C1orf21: variants seen among roughly 807,000 people sequenced by gnomAD.
The protein encoded by C1orf21 is uncharacterized protein C1orf21.
C1orf21 carries 3 observed loss-of-function variants against 18.7 expected under a neutral mutation model. The observed-to-expected ratio is 0.16, with a 90% CI of 0.07 to 0.42. The LOEUF (loss-of-function observed/expected upper bound fraction) is 0.42. C1orf21 is among the 10% of genes least tolerant of loss of function. The pLI, the probability that C1orf21 is intolerant of heterozygous loss-of-function variation, is 0.99. For missense variants in C1orf21, 104 were observed against 143.6 expected, an observed-to-expected ratio of 0.72 and a Z score of 1.41; for synonymous variants, 41 against 46.4, an observed-to-expected ratio of 0.88 and a Z score of 0.47.
chr1:184,580,677 A>G (rs752887056), intron 3 of C1orf21, among the ~76,000 whole-genome samples: 5 of 152,234 alleles, frequency 3.3e-5, no homozygotes, highest in Non-Finnish European at 7.3e-5. Flanking sequence ...TGATTTCACC[A>G]TTCTTCCACT....
chr1:184,571,284 G>A (rs1442781193), intron 3 of C1orf21, among the ~76,000 whole-genome samples: 3 of 124,848 alleles, frequency 2.4e-5, no homozygotes, highest in African/African-American at 6.3e-5. Flanking sequence ...GCGACAGAGC[G>A]AGACTCCGTC....
At chr1:184,393,091 A>G (rs1655998786) in intron 1 of C1orf21, among the ~76,000 whole-genome samples, 2 of 151,832 alleles carry the variant, frequency 1.3e-5, no homozygotes, top group Non-Finnish European at 2.9e-5. Flanking sequence ...AGCCTCCCCA[A>G]GACCACCGCA....
intron 1 of C1orf21, among the ~76,000 whole-genome samples, chr1:184,402,330 T>C (rs1222048178): frequency 6.6e-6 from 1 of 151,488 alleles, no homozygotes; most frequent in African/African-American, 2.4e-5. Flanking sequence ...ATGGATCTAA[T>C]TTTTGCAACA....
chr1:184,457,022 A>G (rs1657208910), intron 1 of C1orf21, among the ~76,000 whole-genome samples: 1 of 152,138 alleles, frequency 6.6e-6, no homozygotes, highest in South Asian at 2.1e-4. Context: ...CTTTCTGGAG[A>G]AGGTGATGGT....
chr1:184,556,499 C>T (rs1658881695), intron 3 of C1orf21, among the ~76,000 whole-genome samples: 1 of 152,102 alleles, frequency 6.6e-6, no homozygotes, highest in African/African-American at 2.4e-5. Flanking sequence ...GAGGACAGTC[C>T]CCTGATTATT....
At chr1:184,473,301 T>C (rs1229576502) in intron 1 of C1orf21, among the ~76,000 whole-genome samples, 1 of 152,206 alleles carries the variant, frequency 6.6e-6, no homozygotes, top group African/African-American at 2.4e-5. Context: ...AATAACAACA[T>C]GTGACAACAA....
intron 2 of C1orf21, among the ~76,000 whole-genome samples, chr1:184,479,273 C>T (rs1409431842): frequency 6.6e-6 from 1 of 152,042 alleles, no homozygotes; most frequent in African/African-American, 2.4e-5. Flanking sequence ...TCCTGAAACG[C>T]TTGACTTTTA....
chr1:184,555,546 CAT>C (rs1658866028), intron 3 of C1orf21, among the ~76,000 whole-genome samples: 1 of 114,384 alleles, frequency 8.7e-6, no homozygotes, highest in African/African-American at 3.5e-5. Flanking sequence ...CTCACACATA[CAT>C]ACACACACAC....
chr1:184,521,042 C>T (rs549945623), intron 3 of C1orf21, among the ~76,000 whole-genome samples: 10 of 152,170 alleles, frequency 6.6e-5, no homozygotes, highest in South Asian at 4.1e-4. Context: ...TACAGGCATA[C>T]GCCACTATGT....
intron 3 of C1orf21, among the ~76,000 whole-genome samples, chr1:184,514,316 A>T (rs1260794298): frequency 6.6e-6 from 1 of 152,138 alleles, no homozygotes; most frequent in Non-Finnish European, 1.5e-5. Flanking sequence ...AAAAAGAGGA[A>T]ATACACATTC....
chr1:184,600,346 T>C (rs1313730763), intron 5 of C1orf21, among the ~76,000 whole-genome samples: 1 of 152,146 alleles, frequency 6.6e-6, no homozygotes, highest in Non-Finnish European at 1.5e-5. Flanking sequence ...TTTGTATTTT[T>C]AGTAGAAACA....
chr1:184,457,002 T>A (rs1657208543), intron 1 of C1orf21, among the ~76,000 whole-genome samples: 1 of 152,150 alleles, frequency 6.6e-6, no homozygotes, highest in Non-Finnish European at 1.5e-5. Context: ...GAAGAATGTA[T>A]CTGGGGCAGC....
intron 1 of C1orf21, among the ~76,000 whole-genome samples, chr1:184,436,105 G>A (rs1056446764): frequency 2.0e-5 from 3 of 152,114 alleles, no homozygotes; most frequent in African/African-American, 7.2e-5. Context: ...GGAGATGCTG[G>A]TGATGGATGC....
Position 184,417,112 on chromosome 1 carries a change from C to G in C1orf21, c.-125+29744C>G, listed in dbSNP as rs569261861. Among the ~76,000 whole-genome samples the G allele has an allele frequency of 2.6e-5, 4 of 152,286 alleles. No homozygotes were observed. The South Asian group carries it at 6.2e-4, about 24-fold the overall frequency. On this transcript the variant is annotated intron_variant, in intron 1 of 5. Transcript: ENST00000235307. Reference sequence around the variant, plus strand: ...GTGTGTAAATTCCAGGTGATTTATACTCTCCTGTTTTTGGCTCAGTCGAAA... The same window carrying G: ...GTGTGTAAATTCCAGGTGATTTATAGTCTCCTGTTTTTGGCTCAGTCGAAA...
At chr1:184,456,096 TAGC>T (rs1416385400) in intron 1 of C1orf21, among the ~76,000 whole-genome samples, 1 of 152,188 alleles carries the variant, frequency 6.6e-6, no homozygotes, top group East Asian at 1.9e-4. Context: ...CCTTGGGATG[TAGC>T]AAGCTATATT....
intron 1 of C1orf21, among the ~76,000 whole-genome samples, chr1:184,456,989 G>A (rs1657208312): frequency 6.6e-6 from 1 of 152,162 alleles, no homozygotes. Context: ...ACCAAACTAG[G>A]CAGAAGAATG....
chr1:184,424,062 T>C (rs1656591904), intron 1 of C1orf21, among the ~76,000 whole-genome samples: 1 of 152,242 alleles, frequency 6.6e-6, no homozygotes, highest in South Asian at 2.1e-4. Context: ...CTTTTTTCCT[T>C]GGATTGAGTG....
chr1:184,552,666 A>G (rs1283149465), intron 3 of C1orf21, among the ~76,000 whole-genome samples: 2 of 152,240 alleles, frequency 1.3e-5, no homozygotes, highest in Non-Finnish European at 2.9e-5. Flanking sequence ...TGAGTAATTA[A>G]TGGCTTATCC....
intron 4 of C1orf21, among the ~76,000 whole-genome samples, chr1:184,591,837 G>C (rs1268383756): frequency 6.6e-6 from 1 of 151,944 alleles, no homozygotes; most frequent in Non-Finnish European, 1.5e-5. Context: ...AATATAATGG[G>C]TAACTAAACT....
Sources: allele counts gnomAD v4.1 joint callset (sites outside exome capture counted in the v4.1 genomes callset), GRCh38; gene constraint gnomAD v4.1.1; transcripts MANE v1.5; gene names NCBI Gene and HGNC (gene_info 2026-07-23, HGNC 2026-07-21).